APP: variants seen among roughly 807,000 people sequenced by gnomAD.
APP encodes the protein amyloid beta precursor protein, also known as amyloid-beta precursor protein.
In APP, 31 loss-of-function variants were observed where a neutral mutation model predicts 101.4. That is an observed-to-expected ratio of 0.31 (90% CI 0.23 to 0.41). APP has a LOEUF of 0.41. Among genes scored for constraint, APP ranks in the 10% least tolerant of loss-of-function variants. The pLI is 1.00. For synonymous variants in APP, 366 were observed against 364.4 expected (o/e 1.00, Z -0.05); for missense variants, 839 against 1,003.7 (o/e 0.84, Z 2.22).
intron 3 of APP, among the ~76,000 whole-genome samples, chr21:26,079,000 G>T (rs1334390831): frequency 7.1e-6 from 1 of 141,560 alleles, no homozygotes. Context: ...CTGAGATTGT[G>T]CCATTGCACT....
chr21:25,889,729 T>C (rs748205473), intron 17 of APP, among the ~76,000 whole-genome samples: 2 of 152,072 alleles, frequency 1.3e-5, no homozygotes, highest in Non-Finnish European at 2.9e-5. Flanking sequence ...TAATCCCAGT[T>C]ACTCAGGAGG....
chr21:26,118,792 G>A (rs1021268366), intron 1 of APP, among the ~76,000 whole-genome samples: 1 of 151,688 alleles, frequency 6.6e-6, no homozygotes, highest in Non-Finnish European at 1.5e-5. Context: ...TGCCCGCCTC[G>A]GCCTCCCAAA....
intron 10 of APP, among the ~76,000 whole-genome samples, chr21:25,975,442 T>C (rs1020496258): frequency 2.6e-5 from 4 of 152,204 alleles, no homozygotes; most frequent in African/African-American, 7.2e-5. Flanking sequence ...TACTTTCTCA[T>C]TGAAAATCAG....
intron 17 of APP, among the ~76,000 whole-genome samples, chr21:25,886,979 A>C (rs922555585): frequency 2.0e-5 from 3 of 152,004 alleles, no homozygotes; most frequent in Non-Finnish European, 4.4e-5. Context: ...CCTCCATAAA[A>C]GCCAAATAAA....
intron 3 of APP, among the ~76,000 whole-genome samples, chr21:26,059,055 T>C (rs1182423387): frequency 1.3e-5 from 2 of 150,946 alleles, no homozygotes; most frequent in Non-Finnish European, 2.9e-5. Context: ...CACTCCAGCC[T>C]GGGCGACAGA....
chr21:26,061,832 C>A (rs1410659482), intron 3 of APP, among the ~76,000 whole-genome samples: 1 of 152,122 alleles, frequency 6.6e-6, no homozygotes, highest in Non-Finnish European at 1.5e-5. Flanking sequence ...AAAAGTTTTA[C>A]CTAAATCATC....
At chr21:26,130,329 T>C (rs542809295) in intron 1 of APP, among the ~76,000 whole-genome samples, 2 of 149,056 alleles carry the variant, frequency 1.3e-5, no homozygotes, top group Non-Finnish European at 2.9e-5. Flanking sequence ...AAAACTTCTT[T>C]GTTTTAAGTT....
At chr21:25,900,987 C>CAAAAAAAAAA (rs71183520) in intron 15 of APP, among the ~76,000 whole-genome samples, 27 of 118,556 alleles carry the variant, frequency 2.3e-4, no homozygotes, top group African/African-American at 8.0e-4. Flanking sequence ...GACTCCATCT[C>CAAAAAAAAAA]AAAAAAAAAA....
In APP at chr21:25,933,058, G is replaced by A. The variant is rs45441191; in HGVS notation, c.1688-21096C>T. ...TTAATATATTCATATAATTTGGAAA[G>A]ATCAAATCAGTATAATGGGATATCC... On this transcript the variant is annotated intron_variant, in intron 13 of 17. Coordinates refer to ENST00000346798, the MANE Select transcript of APP (RefSeq NM_000484.4). 6.5e-3 allele frequency among the ~76,000 whole-genome samples: 992 copies of A among 152,202 alleles called. 18 individuals carry two copies. The highest frequency in any genetic ancestry group is 0.022 in the African/African-American group (928 of 41,514).
At chr21:26,119,556 C>A (rs760169293) in intron 1 of APP, among the ~76,000 whole-genome samples, 1 of 152,076 alleles carries the variant, frequency 6.6e-6, no homozygotes. Context: ...GTTTATCAAC[C>A]CTTACTTTAT....
intron 2 of APP, among the ~76,000 whole-genome samples, chr21:26,102,082 G>T (rs9978977): frequency 0.012 from 1,238 of 101,218 alleles, 17 homozygotes; most frequent in African/African-American, 0.045. Context: ...AAACTATGTG[G>T]TTTTTTTTTT....
chr21:25,993,898 AAATT>A (rs2042959581), intron 8 of APP, among the ~76,000 whole-genome samples: 2 of 152,226 alleles, frequency 1.3e-5, no homozygotes, highest in Admixed American at 6.5e-5. Flanking sequence ...AGACTCCTAA[AAATT>A]AATTATTTGA....
In APP at chr21:25,882,650, T is replaced by C. The variant is rs865840720; in HGVS notation, c.2212-879A>G. 7.2e-5 allele frequency among the ~76,000 whole-genome samples: 11 copies of C among 152,140 alleles called. 1 individual carries two copies. The highest frequency in any genetic ancestry group is 2.7e-4 in the African/African-American group (11 of 41,502). On this transcript the variant is annotated intron_variant, in intron 17 of 17. Coordinates refer to ENST00000346798, the MANE Select transcript of APP (RefSeq NM_000484.4). ...TGTTCTTGTTTTACTATATTTGTTA[T>C]ACCTCTCCCCGTTCGCAGAAGAGAG...
intron 11 of APP, among the ~76,000 whole-genome samples, chr21:25,958,255 C>T (rs1052471571): frequency 1.4e-4 from 22 of 152,072 alleles, no homozygotes; most frequent in Non-Finnish European, 2.6e-4. Flanking sequence ...TCACAACAAA[C>T]AGCATATATT....
At chr21:26,137,804 C>T (rs931342218) in intron 1 of APP, among the ~76,000 whole-genome samples, 1 of 152,104 alleles carries the variant, frequency 6.6e-6, no homozygotes, top group African/African-American at 2.4e-5. Context: ...GGTTACTCAT[C>T]CTAGAGATTT....
At chr21:25,901,656 T>C (rs2038497563) in intron 15 of APP, among the ~76,000 whole-genome samples, 1 of 152,232 alleles carries the variant, frequency 6.6e-6, no homozygotes. Context: ...TTCAAATAAA[T>C]GGCAGGGACC....
At chr21:25,980,293 T>C (rs2042379514) in intron 9 of APP, among the ~76,000 whole-genome samples, 1 of 152,232 alleles carries the variant, frequency 6.6e-6, no homozygotes, top group Admixed American at 6.5e-5. Flanking sequence ...TACGACTTCA[T>C]GTGCCCAGAA....
intron 12 of APP, 88 bp downstream of exon 12, chr21:25,955,539 G>A (rs780955849): frequency 2.8e-5 from 44 of 1,592,458 alleles, no homozygotes; most frequent in Non-Finnish European, 3.4e-5. Context: ...ATAGGTGCTC[G>A]GAGAATGCGT....
intron 16 of APP, 42 bp downstream of exon 16, chr21:25,897,531 C>T (rs754198224): frequency 2.0e-6 from 3 of 1,465,474 alleles, no homozygotes; most frequent in Non-Finnish European, 2.9e-6. Context: ...GGTCATTTGG[C>T]AAGACAAACA....
Sources: allele counts gnomAD v4.1 joint callset (sites outside exome capture counted in the v4.1 genomes callset), GRCh38; gene constraint gnomAD v4.1.1; transcripts MANE v1.5; gene names NCBI Gene and HGNC (gene_info 2026-07-23, HGNC 2026-07-21).